SLC24A4: variants seen among roughly 807,000 people sequenced by gnomAD.
SLC24A4 encodes solute carrier family 24 member 4.
SLC24A4 carries 53 observed loss-of-function variants against 79.0 expected under a neutral mutation model. That is an observed-to-expected ratio of 0.67 (90% CI 0.54 to 0.84). SLC24A4 has a LOEUF of 0.84. Among genes scored for constraint, SLC24A4 ranks in the 40% least tolerant of loss-of-function variants. The probability of loss-of-function intolerance (pLI) is 0.00; values close to 1 mark genes in which losing one functional copy is unlikely to be tolerated. For missense variants in SLC24A4, 731 were observed against 822.0 expected, an observed-to-expected ratio of 0.89 and a Z score of 1.35; for synonymous variants, 323 against 323.8, an observed-to-expected ratio of 1.00 and a Z score of 0.03.
At chr14:92,474,861 ATATT>A (rs1894671602) in intron 12 of SLC24A4, among the ~76,000 whole-genome samples, 1 of 63,196 alleles carries the variant, frequency 1.6e-5, no homozygotes, top group African/African-American at 6.9e-5. Flanking sequence ...ATATATATAT[ATATT>A]TTTTTTTTTT....
chr14:92,480,201 C>T (rs1205169772), intron 12 of SLC24A4, among the ~76,000 whole-genome samples: 2 of 149,884 alleles, frequency 1.3e-5, no homozygotes, highest in African/African-American at 4.9e-5. Flanking sequence ...CTTTTCCTTC[C>T]TTCTGCTTTC....
At chr14:92,428,049 G>A (rs1455797699) in intron 2 of SLC24A4, among the ~76,000 whole-genome samples, 1 of 152,174 alleles carries the variant, frequency 6.6e-6, no homozygotes, top group East Asian at 1.9e-4. Flanking sequence ...CTCCAGAACT[G>A]TGAGAAATAA....
At chr14:92,340,366 C>G (rs1886060043) in intron 2 of SLC24A4, among the ~76,000 whole-genome samples, 1 of 152,256 alleles carries the variant, frequency 6.6e-6, no homozygotes. Flanking sequence ...GAAGCCTTCA[C>G]AGAGCATGCA....
intron 4 of SLC24A4, among the ~76,000 whole-genome samples, chr14:92,440,545 A>G (rs1027384720): frequency 6.6e-6 from 1 of 152,106 alleles, no homozygotes; most frequent in Non-Finnish European, 1.5e-5. Flanking sequence ...TGGGGAGGCC[A>G]TAGCAATGGG....
chr14:92,478,761 G>T (rs1368023788), intron 12 of SLC24A4, among the ~76,000 whole-genome samples: 1 of 151,992 alleles, frequency 6.6e-6, no homozygotes, highest in African/African-American at 2.4e-5. Context: ...TTTTGATAGG[G>T]ATTGCATTGA....
intron 2 of SLC24A4, among the ~76,000 whole-genome samples, chr14:92,351,391 C>CT (rs1886858569): frequency 6.6e-6 from 1 of 152,092 alleles, no homozygotes; most frequent in African/African-American, 2.4e-5. Context: ...TTTTTTAAAA[C>CT]TGCTATTTTC....
chr14:92,337,735 A>G (rs1885895259), intron 2 of SLC24A4, among the ~76,000 whole-genome samples: 2 of 152,292 alleles, frequency 1.3e-5, no homozygotes, highest in South Asian at 4.1e-4. Flanking sequence ...TTGTACACAC[A>G]TATGTGCTCC....
intron 2 of SLC24A4, among the ~76,000 whole-genome samples, chr14:92,429,360 GTA>G (rs1891735634): frequency 3.6e-5 from 1 of 27,796 alleles, no homozygotes; most frequent in Non-Finnish European, 6.1e-5. Flanking sequence ...GAGTTTTAGT[GTA>G]TGTGAGATAG....
At chr14:92,492,303 C>A in intron 16 of SLC24A4, 63 bp downstream of exon 16, 1 of 1,481,378 alleles carries the variant, frequency 6.8e-7, no homozygotes, top group Non-Finnish European at 9.4e-7. Flanking sequence ...GATTCCGCCT[C>A]GTCACTTACG....
rs143322174 is a variant in SLC24A4, at chr14:92,326,039, C to T, written c.241+61C>T. On this transcript the variant is annotated intron_variant, in intron 2 of 16. Coordinates refer to ENST00000532405, the MANE Select transcript of SLC24A4 (RefSeq NM_153646.4). ...GATGTTTGGCCTGGCCTGGAGATGG[C>T]GCTTATGTGGGTGGTTACAGCCAGA... The T allele has an allele frequency of 5.5e-3, 6,604 of 1,209,698 alleles. 19 individuals are homozygous for T. The highest frequency in any genetic ancestry group is 7.1e-3 in the Non-Finnish European group (5,957 of 835,568). 74.9% of individuals were successfully genotyped at this position (1,209,698 alleles called of 1,614,324 possible). A position where few individuals can be genotyped will look rare whatever the true frequency, so the allele number is the denominator to read the frequency against.
At chr14:92,361,465 T>G (rs866626598) in intron 2 of SLC24A4, among the ~76,000 whole-genome samples, 1 of 151,616 alleles carries the variant, frequency 6.6e-6, no homozygotes, top group Admixed American at 6.6e-5. Flanking sequence ...CTAAGTCACC[T>G]TGTGAAAATA....
chr14:92,351,305 T>C (rs1886853769), intron 2 of SLC24A4, among the ~76,000 whole-genome samples: 1 of 151,586 alleles, frequency 6.6e-6, no homozygotes, highest in Admixed American at 6.6e-5. Flanking sequence ...ATTATAGGCG[T>C]CCTAAAGGTG....
chr14:92,438,852 C>G (rs747627964), intron 3 of SLC24A4, among the ~76,000 whole-genome samples: 4 of 152,176 alleles, frequency 2.6e-5, no homozygotes, highest in Non-Finnish European at 4.4e-5. Flanking sequence ...CCCCTCTCTC[C>G]TCCCTGGAGG....
intron 2 of SLC24A4, among the ~76,000 whole-genome samples, chr14:92,365,569 C>T (rs958564257): frequency 6.6e-6 from 1 of 152,208 alleles, no homozygotes; most frequent in African/African-American, 2.4e-5. Flanking sequence ...TCAGACCCTT[C>T]CCCTCTGTGG....
intron 2 of SLC24A4, among the ~76,000 whole-genome samples, chr14:92,368,758 G>A (rs1887993393): frequency 6.6e-6 from 1 of 152,152 alleles, no homozygotes; most frequent in East Asian, 1.9e-4. Flanking sequence ...AGAACGTCGA[G>A]GTTGAGGTCT....
intron 2 of SLC24A4, among the ~76,000 whole-genome samples, chr14:92,371,712 A>G (rs1444878837): frequency 3.9e-5 from 6 of 152,214 alleles, no homozygotes; most frequent in Admixed American, 3.9e-4. Context: ...GTGTGTCCAC[A>G]TCCTTGATCT....
chr14:92,484,900 A>C (rs147255092), intron 13 of SLC24A4: 1 of 985,296 alleles, frequency 1.0e-6, no homozygotes, highest in East Asian at 1.1e-4. Context: ...CAGTTTGGCC[A>C]CTGAGTAGTG....
At chr14:92,474,863 A>ATATATTTTTTT in intron 12 of SLC24A4, among the ~76,000 whole-genome samples, 1 of 57,124 alleles carries the variant, frequency 1.8e-5, no homozygotes, top group South Asian at 5.7e-4. Context: ...ATATATATAT[A>ATATATTTTTTT]TTTTTTTTTT....
chr14:92,456,559 A>G lies in SLC24A4; in HGVS notation c.1206A>G (p.Pro402=). 6.2e-7 allele frequency: 1 copy of G among 1,614,054 alleles called. No individual in the cohort carries two copies. The highest frequency in any genetic ancestry group is 8.5e-7 in the Non-Finnish European group (1 of 1,179,974). ...AGCCGCCGCCACAGCCACCACCGCC[A>G]GAGCCAGAGCCGGTGGAGGCTGACT... ...EQQPPPQPPP[P]EPEPVEADFL... The change falls in exon 12 of 17, where the codon CCA becomes CCG. Residue 402 remains proline, a synonymous_variant. Transcript: ENST00000532405.
Sources: allele counts gnomAD v4.1 joint callset (sites outside exome capture counted in the v4.1 genomes callset), GRCh38; gene constraint gnomAD v4.1.1; transcripts MANE v1.5; gene names NCBI Gene and HGNC (gene_info 2026-07-23, HGNC 2026-07-21).